Variants in ENOX2 observed in about 807,000 individuals in gnomAD.
ENOX2 encodes the protein ecto-NOX disulfide-thiol exchanger 2, also known as APK1 antigen.
In ENOX2, 36 loss-of-function variants were observed where a neutral mutation model predicts 45.0. That is an observed-to-expected ratio of 0.80 (90% CI 0.61 to 1.06). ENOX2 has a LOEUF of 1.06. ENOX2 is among the 50% of genes least tolerant of loss of function. ENOX2 has a pLI of 0.00. For missense variants in ENOX2, 423 were observed against 462.5 expected, an observed-to-expected ratio of 0.91 and a Z score of 0.78; for synonymous variants, 174 against 152.3, an observed-to-expected ratio of 1.14 and a Z score of -1.05.
chrX:130,631,395 T>G, intron 13 of ENOX2, 73 bp downstream of exon 13: 2 of 584,315 alleles, frequency 3.4e-6, no homozygotes, highest in Non-Finnish European at 6.0e-6. Flanking sequence ...TGCTTATTAA[T>G]CTTAGGTAAA....
At chrX:130,764,525 AAAG>A (rs2039571604) in intron 3 of ENOX2, among the ~76,000 whole-genome samples, 4 of 108,691 alleles carry the variant, frequency 3.7e-5, no homozygotes, top group African/African-American at 1.4e-4. Context: ...GATGGTGGGA[AAAG>A]AAGAGTGTGT....
chrX:130,833,481 AG>A (rs1014887147), intron 2 of ENOX2, among the ~76,000 whole-genome samples: 6 of 111,076 alleles, frequency 5.4e-5, no homozygotes, highest in Non-Finnish European at 1.9e-5. Context: ...GAGAGTAACA[AG>A]GGGGGAAGAA....
At chrX:130,694,360 C>T (rs1443786806) in intron 4 of ENOX2, among the ~76,000 whole-genome samples, 1 of 111,157 alleles carries the variant, frequency 9.0e-6, no homozygotes, top group African/African-American at 3.3e-5. Flanking sequence ...GGGCACAGAG[C>T]CACTGTCTTG....
intron 9 of ENOX2, among the ~76,000 whole-genome samples, chrX:130,660,964 G>A (rs1032392424): frequency 4.5e-5 from 5 of 111,696 alleles, no homozygotes; most frequent in Non-Finnish European, 7.5e-5. Flanking sequence ...AACTGAAATC[G>A]GAGACAGGAA....
chrX:130,634,855 T>A, intron 12 of ENOX2, 129 bp downstream of exon 12: 5 of 417,832 alleles, frequency 1.2e-5, no homozygotes, highest in East Asian at 4.1e-5. Flanking sequence ...CGAGAGGGGC[T>A]TTTAATTCCC....
chrX:130,791,247 T>C (rs1325970031), intron 2 of ENOX2, among the ~76,000 whole-genome samples: 1 of 111,589 alleles, frequency 9.0e-6, no homozygotes, highest in Non-Finnish European at 1.9e-5. Flanking sequence ...TAGCCTACCT[T>C]CCCTTCTGCC....
intron 3 of ENOX2, among the ~76,000 whole-genome samples, chrX:130,732,558 G>T (rs978314514): frequency 3.6e-5 from 4 of 111,800 alleles, no homozygotes; most frequent in Non-Finnish European, 7.5e-5. Flanking sequence ...TCAATATTGA[G>T]AAAGAAGAAA....
At chrX:130,823,037 C>T (rs932265838) in intron 2 of ENOX2, among the ~76,000 whole-genome samples, 2 of 111,542 alleles carry the variant, frequency 1.8e-5, no homozygotes, top group African/African-American at 3.3e-5. Flanking sequence ...AGGGTGCTGA[C>T]GGGTAGAGTG....
intron 9 of ENOX2, among the ~76,000 whole-genome samples, chrX:130,657,227 C>G (rs762821575): frequency 1.6e-4 from 18 of 111,860 alleles, no homozygotes; most frequent in Non-Finnish European, 3.2e-4. Flanking sequence ...GGACAAAACA[C>G]AAAACAAAAC....
At chrX:130,900,633 C>G (rs2079130352) in intron 2 of ENOX2, among the ~76,000 whole-genome samples, 1 of 112,287 alleles carries the variant, frequency 8.9e-6, no homozygotes, top group Non-Finnish European at 1.9e-5. Flanking sequence ...CAGACTGACT[C>G]CTCTATCTGA....
rs753016634 is a variant in ENOX2 at position 130,832,418 on chromosome X, TACAC to T, written c.-182-48732_-182-48729del. ...CAGATACTAAATATAGATATTCCCTTACACACACACACACACACACATACACACA... is the reference window on the plus strand; with the variant it reads ...CAGATACTAAATATAGATATTCCCTTACACACACACACACACATACACACA... On this transcript the variant is annotated intron_variant, in intron 2 of 14. Coordinates refer to ENST00000394363, the MANE Select transcript of ENOX2 (RefSeq NM_006375.4). Among the ~76,000 whole-genome samples, 11 of 73,598 alleles carry T rather than the reference TACAC, an allele frequency of 1.5e-4. No individual in the cohort carries two copies. The South Asian group carries it at 1.9e-3, about 12-fold the overall frequency. The allele number at this position is 73,598 out of a possible 115,157, so 63.9% of individuals were successfully genotyped here.
intron 3 of ENOX2, among the ~76,000 whole-genome samples, chrX:130,770,227 C>T (rs750648791): frequency 8.9e-6 from 1 of 112,122 alleles, no homozygotes; most frequent in Non-Finnish European, 1.9e-5. Flanking sequence ...GTCTAGAAAA[C>T]AGACCAAGAG....
chrX:130,883,434 G>A (rs1019081762), intron 2 of ENOX2, among the ~76,000 whole-genome samples: 1 of 111,268 alleles, frequency 9.0e-6, no homozygotes, highest in Admixed American at 9.5e-5. Flanking sequence ...TCTTATTATT[G>A]TGTTTATATA....
At chrX:130,741,104 TA>T (rs1253286282) in intron 3 of ENOX2, among the ~76,000 whole-genome samples, 2 of 111,116 alleles carry the variant, frequency 1.8e-5, no homozygotes, top group African/African-American at 6.5e-5. Context: ...ATGGAAAAAC[TA>T]AAAAAAAATT....
At chrX:130,812,015 T>G (rs918603054) in intron 2 of ENOX2, among the ~76,000 whole-genome samples, 16 of 110,096 alleles carry the variant, frequency 1.5e-4, no homozygotes, top group African/African-American at 5.3e-4. Flanking sequence ...AAATATACAG[T>G]AAGAGGAAAA....
intron 2 of ENOX2, among the ~76,000 whole-genome samples, chrX:130,807,613 T>G (rs907835413): frequency 3.6e-5 from 4 of 111,829 alleles, no homozygotes; most frequent in Non-Finnish European, 5.6e-5. Flanking sequence ...ATTCTCTCTA[T>G]AGGTGCCATC....
intron 2 of ENOX2, among the ~76,000 whole-genome samples, chrX:130,893,913 T>C (rs2079020266): frequency 8.9e-6 from 1 of 111,921 alleles, no homozygotes; most frequent in Non-Finnish European, 1.9e-5. Flanking sequence ...AAGCAATAAA[T>C]ACGCCTCATA....
intron 3 of ENOX2, among the ~76,000 whole-genome samples, chrX:130,747,423 A>G (rs1416617407): frequency 8.9e-6 from 1 of 112,184 alleles, no homozygotes; most frequent in Non-Finnish European, 1.9e-5. Flanking sequence ...CCCTTTCAAC[A>G]CCAAGGGTTT....
chrX:130,704,623 CA>C (rs2037990135), intron 3 of ENOX2, among the ~76,000 whole-genome samples: 1 of 112,075 alleles, frequency 8.9e-6, no homozygotes, highest in Non-Finnish European at 1.9e-5. Flanking sequence ...AAGTCCAAGG[CA>C]ACATCAGGGC....
Sources: gnomAD v4.1 joint callset for allele counts (sites outside exome capture counted in the v4.1 genomes callset) on GRCh38, gnomAD v4.1.1 for gene constraint, MANE v1.5 for transcripts, NCBI Gene and HGNC (gene_info 2026-07-23, HGNC 2026-07-21) for gene names.